OSBPL8: variants seen among roughly 807,000 people sequenced by gnomAD.
OSBPL8 encodes oxysterol-binding protein-related protein 8.
A neutral mutation model predicts 125.5 loss-of-function variants in OSBPL8; 59 were observed. The ratio of observed to expected loss-of-function variants is 0.47; its 90% CI spans 0.38 to 0.58. The LOEUF (loss-of-function observed/expected upper bound fraction) is 0.58. Among genes scored for constraint, OSBPL8 ranks in the 20% least tolerant of loss-of-function variants. OSBPL8 has a pLI of 0.00. For synonymous variants in OSBPL8, 330 were observed against 338.9 expected, an observed-to-expected ratio of 0.97 and a Z score of 0.29; for missense variants, 758 against 1,047.8, an observed-to-expected ratio of 0.72 and a Z score of 3.82.
At chr12:76,397,953 G>A (rs1393869591) in intron 7 of OSBPL8, 56 bp from the exon 8 acceptor site, 30 of 1,415,364 alleles carry the variant, frequency 2.1e-5, no homozygotes, top group Middle Eastern at 1.8e-4. Flanking sequence ...AGGTCCAAAC[G>A]AAAATACTGC....
Position 76,410,613 on chromosome 12 carries a change from T to C in OSBPL8, c.239A>G (p.Asp80Gly), listed in dbSNP as rs748831427. The change falls in exon 5 of 24, where the codon GAT becomes GGT. Residue 80 changes from aspartate to glycine, a missense_variant. This residue lies in a region of OSBPL8 where 117 missense variants were observed against 137.1 expected (regional missense o/e 0.85). Coordinates refer to ENST00000261183, the MANE Select transcript of OSBPL8 (RefSeq NM_020841.5). ...AGATTCATCTTTATTTTGAGAAATA[T>C]CTTCCTTCCCTCTTTCAAAACCTTA... ...HSQGFERGKE[D>G]ISQNKDESSL... The C allele has an allele frequency of 1.4e-5, 22 of 1,607,328 alleles. No individual in the cohort carries two copies. Among genetic ancestry groups the C allele is most frequent in the Non-Finnish European group, 1.9e-5 (22 of 1,174,772 alleles).
chr12:76,444,274 T>C (rs1044643610), intron 4 of OSBPL8, among the ~76,000 whole-genome samples: 5 of 152,212 alleles, frequency 3.3e-5, no homozygotes, highest in African/African-American at 9.7e-5. Context: ...TTAAGGCATT[T>C]AACTCTCTTT....
intron 5 of OSBPL8, among the ~76,000 whole-genome samples, chr12:76,403,364 A>G (rs1954129569): frequency 6.6e-6 from 1 of 152,214 alleles, no homozygotes; most frequent in Non-Finnish European, 1.5e-5. Context: ...TTCAGTTTAC[A>G]CTTCACATTT....
chr12:76,383,051 C>T (rs1953130211), intron 15 of OSBPL8, among the ~76,000 whole-genome samples: 1 of 152,066 alleles, frequency 6.6e-6, no homozygotes, highest in African/African-American at 2.4e-5. Flanking sequence ...TTTGAATTTA[C>T]CCATATGTTT....
At chr12:76,512,054 ATAT>A (rs1386883935) in intron 1 of OSBPL8, among the ~76,000 whole-genome samples, 14 of 152,186 alleles carry the variant, frequency 9.2e-5, no homozygotes, top group Non-Finnish European at 1.9e-4. Context: ...TTCGTTGAAC[ATAT>A]TATTACATCA....
At chr12:76,471,399 C>T (rs1272368878) in intron 2 of OSBPL8, among the ~76,000 whole-genome samples, 3 of 152,236 alleles carry the variant, frequency 2.0e-5, no homozygotes, top group African/African-American at 7.2e-5. Context: ...ACCTGTAAGT[C>T]GCTCTAAATT....
chr12:76,402,720 G>T lies in OSBPL8; in HGVS notation c.335C>A (p.Ser112Ter). Residue 112 changes from serine (S) to a stop codon, truncating the protein, a stop_gained, in exon 6 of 24, where the codon TCA (serine) becomes TAA (stop). Transcript: ENST00000261183. LOFTEE classifies it high-confidence loss of function. ...YNGSEKDSST[S>*]SKLTKKESLK... ...AGATTCTTTTTTTGTGAGTTTGCTT[G>T]AAGTTGAACTGTCCTTCTCTGAGCC... 1 of 1,608,536 alleles carries T rather than the reference G, an allele frequency of 6.2e-7. No homozygotes were observed. The highest frequency in any genetic ancestry group is 1.1e-5 in the South Asian group (1 of 90,878).
At chr12:76,392,849 A>G in intron 9 of OSBPL8, 97 bp from the exon 10 acceptor site, 1 of 1,237,572 alleles carries the variant, frequency 8.1e-7, no homozygotes, top group Non-Finnish European at 1.1e-6. Flanking sequence ...TTTGAGAAAC[A>G]TGCACTGGAA....
intron 1 of OSBPL8, among the ~76,000 whole-genome samples, chr12:76,492,517 T>A (rs1320897581): frequency 2.6e-5 from 4 of 151,932 alleles, no homozygotes; most frequent in African/African-American, 9.7e-5. Context: ...GGTGGGTGAG[T>A]GAGTGAAGCT....
intron 1 of OSBPL8, among the ~76,000 whole-genome samples, chr12:76,501,650 T>C (rs1432158905): frequency 6.6e-6 from 1 of 152,174 alleles, no homozygotes; most frequent in East Asian, 1.9e-4. Context: ...GTGACAGGGA[T>C]GGAGGTTATG....
chr12:76,470,548 T>G (rs78273584), intron 2 of OSBPL8, among the ~76,000 whole-genome samples: 173 of 152,386 alleles, frequency 1.1e-3, no homozygotes, highest in Non-Finnish European at 2.1e-3. Context: ...GCCAATTCTT[T>G]GCATGCTTAT....
intron 2 of OSBPL8, among the ~76,000 whole-genome samples, chr12:76,472,548 T>A (rs543760008): frequency 6.6e-6 from 1 of 152,132 alleles, no homozygotes; most frequent in East Asian, 1.9e-4. Context: ...CTGATATTTA[T>A]TGGATACAAG....
chr12:76,413,694 T>G (rs1868326347), intron 4 of OSBPL8, among the ~76,000 whole-genome samples: 2 of 152,324 alleles, frequency 1.3e-5, no homozygotes, highest in Admixed American at 1.3e-4. Context: ...TGCGTGTCCC[T>G]GATTACTAAT....
intron 2 of OSBPL8, among the ~76,000 whole-genome samples, chr12:76,477,728 T>C (rs140168516): frequency 1.1e-4 from 17 of 152,256 alleles, no homozygotes; most frequent in Non-Finnish European, 2.2e-4. Context: ...AGTTCATCAA[T>C]TATATCACAT....
At chr12:76,385,670 A>G (rs1953277864) in intron 14 of OSBPL8, among the ~76,000 whole-genome samples, 1 of 152,092 alleles carries the variant, frequency 6.6e-6, no homozygotes, top group South Asian at 2.1e-4. Flanking sequence ...CTAAGAAGAA[A>G]TACTGGAGTG....
chr12:76,551,840 C>G (rs1950948056), intron 1 of OSBPL8, among the ~76,000 whole-genome samples: 1 of 152,194 alleles, frequency 6.6e-6, no homozygotes, highest in Non-Finnish European at 1.5e-5. Flanking sequence ...TAAGGCAACA[C>G]TAGCTGCTTA....
chr12:76,421,241 T>TA (rs969991692), intron 4 of OSBPL8, among the ~76,000 whole-genome samples: 1 of 151,866 alleles, frequency 6.6e-6, no homozygotes, highest in African/African-American at 2.4e-5. Flanking sequence ...TATCTAACAT[T>TA]AAAAAAATCT....
intron 1 of OSBPL8, among the ~76,000 whole-genome samples, chr12:76,488,531 CAT>C (rs1406040285): frequency 2.0e-5 from 3 of 152,148 alleles, no homozygotes; most frequent in Non-Finnish European, 4.4e-5. Context: ...GTCTCTGTGT[CAT>C]AGTTTGGTAA....
At chr12:76,549,010 A>C (rs1008506805) in intron 1 of OSBPL8, among the ~76,000 whole-genome samples, 2 of 152,172 alleles carry the variant, frequency 1.3e-5, no homozygotes, top group Non-Finnish European at 2.9e-5. Flanking sequence ...CAAGACGACA[A>C]TACAACATAG....
Sources: gnomAD v4.1 joint callset for allele counts (sites outside exome capture counted in the v4.1 genomes callset) on GRCh38, gnomAD v4.1.1 for gene constraint, gnomAD v4.1.1 regional missense constraint, MANE v1.5 for transcripts, NCBI Gene and HGNC (gene_info 2026-07-23, HGNC 2026-07-21) for gene names.